Variants in TMEM114 observed in about 807,000 individuals in gnomAD.
TMEM114 encodes transmembrane protein 114, also known as claudin-26.
A neutral mutation model predicts 6.2 loss-of-function variants in TMEM114; 6 were observed. That is an observed-to-expected ratio of 0.97 (90% CI 0.53 to 1.91). The LOEUF (loss-of-function observed/expected upper bound fraction) is 1.91, where lower values mean the gene tolerates loss of function less well. TMEM114 is among the 40% of genes most tolerant of loss of function. TMEM114 has a pLI of 0.01. For missense variants in TMEM114, 218 were observed against 158.3 expected (o/e 1.38, Z -2.02); for synonymous variants, 104 against 73.0 (o/e 1.42, Z -2.16).
downstream of TMEM114, among the ~76,000 whole-genome samples, chr16:8,568,242 C>T (rs1387220888): frequency 2.6e-5 from 4 of 152,190 alleles, no homozygotes; most frequent in Non-Finnish European, 5.9e-5. Flanking sequence ...ATGTGGCACC[C>T]CAGAGAGCAA....
chr16:8,565,280 C>G (rs534687005), downstream of TMEM114, among the ~76,000 whole-genome samples: 2 of 152,224 alleles, frequency 1.3e-5, no homozygotes, highest in African/African-American at 2.4e-5. Flanking sequence ...TGAACAAAGA[C>G]TGAATGCGTG....
At chr16:8,529,772 G>A in the TMEM114 span, among the ~76,000 whole-genome samples, 1 of 151,108 alleles carries the variant, frequency 6.6e-6, no homozygotes, top group East Asian at 1.9e-4. Context: ...CTCACCCCCA[G>A]AAATTCTGAT....
At chr16:8,526,847 G>C in the TMEM114 span, among the ~76,000 whole-genome samples, 1 of 152,202 alleles carries the variant, frequency 6.6e-6, no homozygotes, top group African/African-American at 2.4e-5. Flanking sequence ...TATGAGTTAA[G>C]TTGGTGCTTT....
intron 2 of TMEM114, among the ~76,000 whole-genome samples, chr16:8,561,777 ATGAGTGAATCAGTGAATAGTGAATGAG>A (rs1247220910): frequency 6.7e-6 from 1 of 149,752 alleles, no homozygotes; most frequent in Non-Finnish European, 1.5e-5. Context: ...GAGTGAGGTA[ATGAGTGAATCAGTGAATAGTGAATGAG>A]TGAGTGAAGG....
intron 2 of TMEM114, among the ~76,000 whole-genome samples, chr16:8,545,784 T>G (rs1331594933): frequency 1.3e-5 from 2 of 152,186 alleles, no homozygotes; most frequent in Non-Finnish European, 2.9e-5. Flanking sequence ...TCTTACATAT[T>G]TTACCCTTCT....
At chr16:8,553,983 A>T (rs1459217009) in intron 2 of TMEM114, among the ~76,000 whole-genome samples, 1 of 151,316 alleles carries the variant, frequency 6.6e-6, no homozygotes, top group Non-Finnish European at 1.5e-5. Flanking sequence ...GGTTCAAGCG[A>T]TTCTCATGTG....
intron 2 of TMEM114, among the ~76,000 whole-genome samples, chr16:8,577,003 C>A (rs964908893): frequency 6.6e-6 from 1 of 152,174 alleles, no homozygotes; most frequent in Non-Finnish European, 1.5e-5. Flanking sequence ...ATAGACCTTC[C>A]ATTTGAGGCA....
At chr16:8,549,840 G>C (rs1269600697) in intron 2 of TMEM114, among the ~76,000 whole-genome samples, 1 of 152,152 alleles carries the variant, frequency 6.6e-6, no homozygotes, top group Non-Finnish European at 1.5e-5. Flanking sequence ...ATATATAAAA[G>C]GGAATTTATT....
chr16:8,586,343 A>G (rs929563772), intron 2 of TMEM114, among the ~76,000 whole-genome samples: 4 of 152,030 alleles, frequency 2.6e-5, no homozygotes, highest in Non-Finnish European at 4.4e-5. Flanking sequence ...AAGTCTAACC[A>G]TATCCCTTGA....
the TMEM114 span, among the ~76,000 whole-genome samples, chr16:8,529,702 G>A: frequency 1.5e-4 from 22 of 151,250 alleles, no homozygotes; most frequent in African/African-American, 3.7e-4. Flanking sequence ...AATCCTAGCT[G>A]GACACTGGAA....
At chr16:8,562,358 TAGTG>T (rs1258657146) in intron 2 of TMEM114, among the ~76,000 whole-genome samples, 1 of 58,722 alleles carries the variant, frequency 1.7e-5, no homozygotes, top group Non-Finnish European at 3.6e-5. Flanking sequence ...GTGAGTGAAT[TAGTG>T]AGTGAATGAA....
chr16:8,586,300 G>A (rs147901267), intron 2 of TMEM114, among the ~76,000 whole-genome samples: 31 of 152,194 alleles, frequency 2.0e-4, no homozygotes, highest in African/African-American at 7.0e-4. Flanking sequence ...GGCAAGGTCC[G>A]TTTTGTTTAT....
At chr16:8,573,542 G>T (rs998032494) in intron 2 of TMEM114, among the ~76,000 whole-genome samples, 1 of 151,826 alleles carries the variant, frequency 6.6e-6, no homozygotes, top group Non-Finnish European at 1.5e-5. Flanking sequence ...GAGCTTCCCA[G>T]CAGCCAAAGA....
At chr16:8,587,353 C>T (rs1276876933) in intron 2 of TMEM114, among the ~76,000 whole-genome samples, 4 of 152,206 alleles carry the variant, frequency 2.6e-5, no homozygotes, top group African/African-American at 9.7e-5. Context: ...ATTGGGAATT[C>T]AGCAGTGGCA....
At chr16:8,561,711 G>T (rs1427449877) in intron 2 of TMEM114, among the ~76,000 whole-genome samples, 1 of 152,150 alleles carries the variant, frequency 6.6e-6, no homozygotes, top group Non-Finnish European at 1.5e-5. Context: ...ATGAATCAGT[G>T]AATGAATGAG....
intron 2 of TMEM114, among the ~76,000 whole-genome samples, chr16:8,558,637 C>G (rs1289692089): frequency 6.6e-6 from 1 of 152,172 alleles, no homozygotes; most frequent in Admixed American, 6.5e-5. Flanking sequence ...CAACAGTCCC[C>G]TATTTAGGCA....
chr16:8,561,771 G>A (rs944847454), intron 2 of TMEM114, among the ~76,000 whole-genome samples: 6 of 151,302 alleles, frequency 4.0e-5, no homozygotes, highest in Admixed American at 2.6e-4. Context: ...ATGAGTGAGT[G>A]AGGTAATGAG....
rs577644540 is a variant in TMEM114 at position 8,555,655 on chromosome 16, G to A, written n.213-17829C>T. Among the ~76,000 whole-genome samples, 7 of 152,240 alleles carry A rather than the reference G, an allele frequency of 4.6e-5. No individual in the cohort carries two copies. In the East Asian group the frequency reaches 5.8e-4, roughly 13 times the overall value. ...CTGCCTATCTCACTATTGTTTTCAC[G>A]TCGATGACTCCCCATGCATCTGACC... is the stretch of plus-strand genomic sequence containing the variant. On this transcript the variant is annotated intron_variant and non_coding_transcript_variant, in intron 2 of 2. Transcript: ENST00000623677.
downstream of TMEM114, among the ~76,000 whole-genome samples, chr16:8,533,337 G>A (rs149732798): frequency 6.6e-6 from 1 of 152,230 alleles, no homozygotes; most frequent in Non-Finnish European, 1.5e-5. Flanking sequence ...CCAAGGCAGA[G>A]TATTCTGGGA....
Sources: allele counts gnomAD v4.1 joint callset (sites outside exome capture counted in the v4.1 genomes callset), GRCh38; gene constraint gnomAD v4.1.1; transcripts MANE v1.5; gene names NCBI Gene and HGNC (gene_info 2026-07-23, HGNC 2026-07-21).